Variants in TGM2 observed in about 807,000 individuals in gnomAD.
TGM2 encodes transglutaminase 2, also known as protein-glutamine gamma-glutamyltransferase 2.
TGM2 carries 53 observed loss-of-function variants against 75.6 expected under a neutral mutation model. The observed-to-expected ratio is 0.70, with a 90% CI of 0.56 to 0.88. The LOEUF (loss-of-function observed/expected upper bound fraction) is 0.88, where lower values mean the gene tolerates loss of function less well. TGM2 is among the 40% of genes least tolerant of loss of function. The pLI is 0.00. For synonymous variants in TGM2, 374 were observed against 381.1 expected (o/e 0.98, Z 0.22); for missense variants, 842 against 928.5 (o/e 0.91, Z 1.21).
Position 38,139,314 on chromosome 20 carries a change from C to T in TGM2, c.1342+98G>A, listed in dbSNP as rs1208793119. ...CGGGGCCATTGCTGTACGTAGGCTA[C>T]CAATTAAAACACACGCACACACATA... is the stretch of plus-strand genomic sequence containing the variant. On this transcript the variant is annotated intron_variant, in intron 9 of 12. Transcript: ENST00000361475. The T allele has an allele frequency of 2.9e-5, 46 of 1,576,542 alleles. 1 individual carries two copies. The highest frequency in any genetic ancestry group is 3.9e-5 in the Non-Finnish European group (45 of 1,150,842).
intron 8 of TGM2, among the ~76,000 whole-genome samples, chr20:38,140,193 T>C (rs2074954027): frequency 6.6e-6 from 1 of 152,250 alleles, no homozygotes; most frequent in Admixed American, 6.5e-5. Context: ...GGGTGCCTGA[T>C]GTTTACGTAA....
At chr20:38,137,427 T>C (rs2074913011) in intron 10 of TGM2, among the ~76,000 whole-genome samples, 1 of 152,178 alleles carries the variant, frequency 6.6e-6, no homozygotes, top group African/African-American at 2.4e-5. Context: ...CACTGCAGAC[T>C]GGGCAACAGA....
rs993195344 is a variant in TGM2, at chr20:38,143,385, G to A, written c.860-1186C>T. 2.6e-5 allele frequency among the ~76,000 whole-genome samples: 4 copies of A among 152,204 alleles called. No homozygotes were observed. In the East Asian group the frequency reaches 5.8e-4, roughly 22 times the overall value. On this transcript the variant is annotated intron_variant, in intron 6 of 12. Transcript: ENST00000361475. ...CATCATTCCCAATGTACAAGAACAC[G>A]GATGCACGTGGCCCTATAAATAGGT...
Position 38,139,754 on chromosome 20 carries a change from A to G in TGM2, c.1100-100T>C. 1.3e-6 allele frequency: 2 copies of G among 1,497,592 alleles called. 1 individual carries two copies. Among genetic ancestry groups the G allele is most frequent in the East Asian group, 4.8e-5 (2 of 41,880 alleles). 92.8% of individuals were successfully genotyped at this position (1,497,592 alleles called of 1,614,324 possible). A position where few individuals can be genotyped will look rare whatever the true frequency, so the allele number is the denominator to read the frequency against. ...CAATCACATGTAGCCAAAAACCTCAAGACCACGCGGCCCTCTGACGGAAGG... is the reference window on the plus strand; with the variant it reads ...CAATCACATGTAGCCAAAAACCTCAGGACCACGCGGCCCTCTGACGGAAGG... On this transcript the variant is annotated intron_variant, in intron 8 of 12. Transcript: ENST00000361475.
chr20:38,147,041 G>T, intron 5 of TGM2, 147 bp from the exon 6 acceptor site: 1 of 820,416 alleles, frequency 1.2e-6, no homozygotes, highest in Non-Finnish European at 2.0e-6. Flanking sequence ...GCCATCGTGT[G>T]ACAGACTGGT....
intron 6 of TGM2, among the ~76,000 whole-genome samples, chr20:38,143,658 T>C (rs2075006609): frequency 6.6e-6 from 1 of 152,164 alleles, no homozygotes; most frequent in Non-Finnish European, 1.5e-5. Context: ...TATGGGTGCT[T>C]TTACTCTCTC....
upstream of TGM2, among the ~76,000 whole-genome samples, chr20:38,168,330 T>C (rs1472630420): frequency 6.6e-6 from 1 of 152,164 alleles, no homozygotes; most frequent in Non-Finnish European, 1.5e-5. Flanking sequence ...GTTTCAGTTT[T>C]CCCATTTGTT....
At chr20:38,167,236 G>A (rs1387561328), upstream of TGM2, among the ~76,000 whole-genome samples, 2 of 152,192 alleles carry the variant, frequency 1.3e-5, no homozygotes, top group Non-Finnish European at 2.9e-5. Flanking sequence ...TTCCACAGGC[G>A]TTAGCCCTGC....
Position 38,149,678 on chromosome 20 carries a change from C to CAAAAAAAAAAAAAAA in TGM2, c.552+1246_552+1260dup, listed in dbSNP as rs1199376180. Among the ~76,000 whole-genome samples, 103 of 40,406 alleles carry CAAAAAAAAAAAAAAA rather than the reference C, an allele frequency of 2.5e-3. 5 individuals carry two copies. Among genetic ancestry groups the CAAAAAAAAAAAAAAA allele is most frequent in the African/African-American group, 6.7e-3 (72 of 10,726 alleles). 26.5% of individuals were successfully genotyped at this position (40,406 alleles called of 152,430 possible). On this transcript the variant is annotated intron_variant, in intron 4 of 12. Coordinates refer to ENST00000361475, the MANE Select transcript of TGM2 (RefSeq NM_004613.4). ...TGGGCAACAGAGCGAGACTCCGCCT[C>CAAAAAAAAAAAAAAA]AAAAAAAAAAAAAAAAAAAAAAACA...
rs1467891832 is a variant in TGM2, at chr20:38,128,928, G to C, written c.*1291C>G. 6.6e-6 allele frequency: 1 copy of C among 152,464 alleles called. No homozygotes were observed. The highest frequency in any genetic ancestry group is 2.4e-5 in the African/African-American group (1 of 41,480). The allele number at this position is 152,464 out of a possible 1,614,324, so 9.4% of individuals were successfully genotyped here. On this transcript the variant is annotated 3_prime_UTR_variant, in exon 13 of 13. Transcript: ENST00000361475. ...CACTGGCAGCTAAGGCTGTTGGGAA[G>C]TCTAGGCATTGCAGCGGGCAGGCTC...
At chr20:38,150,849 C>T in intron 4 of TGM2, 90 bp downstream of exon 4, 2 of 974,960 alleles carry the variant, frequency 2.1e-6, no homozygotes, top group Non-Finnish European at 3.3e-6. Context: ...TGACTCACTC[C>T]CACCTGTGCA....
chr20:38,142,848 C>T (rs937217259), intron 6 of TGM2, among the ~76,000 whole-genome samples: 14 of 152,256 alleles, frequency 9.2e-5, no homozygotes, highest in African/African-American at 2.7e-4. Flanking sequence ...CCCCTCCTCG[C>T]ACGCTGTGCT....
chr20:38,157,755 C>T lies in TGM2; in HGVS notation c.191-1666G>A, dbSNP rs190749988. On this transcript the variant is annotated intron_variant, in intron 2 of 12. Coordinates refer to ENST00000361475, the MANE Select transcript of TGM2 (RefSeq NM_004613.4). ...TAGTCTTGTTCAGTTTTCATGAACGCCTCCTGGCTCTGTTTAGAGGGTTCC... is the reference window on the plus strand; with the variant it reads ...TAGTCTTGTTCAGTTTTCATGAACGTCTCCTGGCTCTGTTTAGAGGGTTCC... 3.3e-4 allele frequency among the ~76,000 whole-genome samples: 51 copies of T among 152,312 alleles called. No individual in the cohort carries two copies. The East Asian group carries it at 9.3e-3, about 28-fold the overall frequency.
At chr20:38,163,232 G>T (rs186556442) in intron 1 of TGM2, among the ~76,000 whole-genome samples, 1 of 137,292 alleles carries the variant, frequency 7.3e-6, no homozygotes, top group Non-Finnish European at 1.7e-5. Flanking sequence ...AGCCCTTAAG[G>T]TGGGAGGAGT....
At chr20:38,139,275 T>A (rs1408687154) in intron 9 of TGM2, 137 bp downstream of exon 9, 7 of 1,245,152 alleles carry the variant, frequency 5.6e-6, no homozygotes. Context: ...TTGCTGAAGA[T>A]GGAGTATAGC....
chr20:38,139,369 T>G (rs2074940565), intron 9 of TGM2, 43 bp downstream of exon 9: 1 of 1,613,502 alleles, frequency 6.2e-7, no homozygotes, highest in Non-Finnish European at 8.5e-7. Flanking sequence ...GAAAACTGGA[T>G]GCTTATCTTC....
At chr20:38,149,123 G>A (rs537618823) in intron 4 of TGM2, among the ~76,000 whole-genome samples, 19 of 152,236 alleles carry the variant, frequency 1.2e-4, no homozygotes, top group African/African-American at 4.3e-4. Context: ...TCTCAGGCAC[G>A]ACATAAACTT....
intron 3 of TGM2, among the ~76,000 whole-genome samples, chr20:38,154,750 C>T (rs946709559): frequency 1.3e-5 from 2 of 151,736 alleles, no homozygotes; most frequent in Non-Finnish European, 1.5e-5. Context: ...CCCCAGCCCT[C>T]CCCCCAACCT....
In TGM2 at chr20:38,156,002, A is replaced by C. The variant is rs773326279; in HGVS notation, c.278T>G (p.Val93Gly). 6.2e-7 allele frequency: 1 copy of C among 1,613,760 alleles called. No homozygotes were observed. The highest frequency in any genetic ancestry group is 8.5e-7 in the Non-Finnish European group (1 of 1,179,954). ...VEEGDWTATV[V>G]DQQDCTLSLQ... The stretch of plus-strand genomic sequence containing the variant: ...CGAGAGGGTGCAGTCTTGCTGGTCC[A>C]CCACGGTGGCTGTCCAGTCACCCTC... Residue 93 changes from valine to glycine, a missense_variant, in exon 3 of 13, where the codon GTG (valine) becomes GGG (glycine). By Grantham distance (109) the Val-to-Gly change is moderately radical. Transcript: ENST00000361475.
Sources: allele counts gnomAD v4.1 joint callset (sites outside exome capture counted in the v4.1 genomes callset), GRCh38; gene constraint gnomAD v4.1.1; transcripts MANE v1.5; gene names NCBI Gene and HGNC (gene_info 2026-07-23, HGNC 2026-07-21).